The following RAD50 variants were observed in gnomAD, a reference collection of about 807,000 sequenced individuals.
The protein encoded by RAD50 is DNA repair protein RAD50.
Under a neutral mutation model 168.8 loss-of-function variants are expected in RAD50, and 132 were observed. That is an observed-to-expected ratio of 0.78 (90% CI 0.68 to 0.90). The LOEUF is 0.90. Among genes scored for constraint, RAD50 ranks in the 40% least tolerant of loss-of-function variants. The pLI is 0.00. For missense variants in RAD50, 1,347 were observed against 1,534.4 expected, an observed-to-expected ratio of 0.88 and a Z score of 2.04; for synonymous variants, 525 against 497.4, an observed-to-expected ratio of 1.06 and a Z score of -0.74.
chr5:132,605,445 A>G (rs1750968246), intron 16 of RAD50, among the ~76,000 whole-genome samples: 1 of 152,034 alleles, frequency 6.6e-6, no homozygotes, highest in East Asian at 1.9e-4. Flanking sequence ...CCTGAGCTCA[A>G]GCAATCCTCC....
intron 21 of RAD50, among the ~76,000 whole-genome samples, chr5:132,627,997 A>G (rs564231845): frequency 4.6e-5 from 7 of 152,216 alleles, no homozygotes; most frequent in Non-Finnish European, 1.0e-4. Flanking sequence ...AAAATAACCA[A>G]AGGTTGCTCC....
intron 13 of RAD50, among the ~76,000 whole-genome samples, chr5:132,602,647 G>C (rs772675694): frequency 1.6e-4 from 24 of 152,002 alleles, no homozygotes; most frequent in Non-Finnish European, 3.1e-4. Flanking sequence ...CCCTCATCCA[G>C]CTCCTCCTGA....
intron 19 of RAD50, 82 bp from the exon 20 acceptor site, chr5:132,615,921 C>T: frequency 7.8e-7 from 1 of 1,276,040 alleles, no homozygotes; most frequent in Admixed American, 1.8e-5. Context: ...AGAAATGGCA[C>T]TTGCTGTCAC....
intron 12 of RAD50, 111 bp downstream of exon 12, chr5:132,595,155 T>A (rs1750767826): frequency 8.4e-7 from 1 of 1,196,712 alleles, no homozygotes; most frequent in Admixed American, 2.0e-5. Flanking sequence ...GCCTAATGGC[T>A]TGGATTTCAG....
At chr5:132,601,790 T>G (rs1273892645) in intron 13 of RAD50, among the ~76,000 whole-genome samples, 1 of 152,174 alleles carries the variant, frequency 6.6e-6, no homozygotes, top group Non-Finnish European at 1.5e-5. Flanking sequence ...GGAGTAACTA[T>G]GCAGCCATAT....
chr5:132,604,976 C>A lies in RAD50; in HGVS notation c.2695C>A (p.Gln899Lys). Residue 899 changes from glutamine (Q) to lysine (K), a missense_variant, in exon 16 of 25, where the codon CAG becomes AAG. Physicochemically the swap from Gln to Lys is moderately conservative, Grantham distance 53. This residue lies in a region of RAD50 where 635 missense variants were observed against 739.2 expected (regional missense o/e 0.86). Coordinates refer to ENST00000378823, the MANE Select transcript of RAD50 (RefSeq NM_005732.4). ...EQTVELSTEV[Q>K]SLYREIKDAK... ...GACTGTGGAATTATCCACTGAAGTT[C>A]AGTCTTTGTACAGAGAGATAAAGGT... The A allele has an allele frequency of 6.2e-7, 1 of 1,612,858 alleles. No individual in the cohort carries two copies. The highest frequency in any genetic ancestry group is 1.1e-5 in the South Asian group (1 of 91,030).
In RAD50 at chr5:132,588,767, C is replaced by A. The variant is rs786202509; in HGVS notation, c.1132C>A (p.Leu378Ile). The change falls in exon 8 of 25, where the codon CTA (leucine) becomes ATA (isoleucine). Residue 378 changes from leucine (L) to isoleucine (I), a missense_variant. By Grantham distance (5) the Leu-to-Ile change is conservative (BLOSUM62 2). Around this residue, in one of 3 missense-constraint regions of RAD50, gnomAD observed 703 missense variants for 767.7 expected, o/e 0.92. Coordinates refer to ENST00000378823, the MANE Select transcript of RAD50 (RefSeq NM_005732.4). ...DSLIQSLATQ[L>I]ELDGFERGPF... Reference sequence around the variant, plus strand: ...ATTAATTCAGTCTTTGGCAACACAGCTAGAATTGGATGGCTTTGAGCGTGG... The same window carrying A: ...ATTAATTCAGTCTTTGGCAACACAGATAGAATTGGATGGCTTTGAGCGTGG... The A allele has an allele frequency of 1.2e-6, 2 of 1,613,764 alleles. No individual in the cohort carries two copies. Among genetic ancestry groups the A allele is most frequent in the Non-Finnish European group, 1.7e-6 (2 of 1,179,802 alleles).
chr5:132,578,486 G>A (rs1345811835), intron 3 of RAD50, among the ~76,000 whole-genome samples: 6 of 147,270 alleles, frequency 4.1e-5, no homozygotes, highest in African/African-American at 1.0e-4. Context: ...CCTCTGCAAA[G>A]CATTCTTAAT....
chr5:132,571,510 G>C (rs1314797954), intron 2 of RAD50, among the ~76,000 whole-genome samples: 1 of 152,130 alleles, frequency 6.6e-6, no homozygotes, highest in Admixed American at 6.5e-5. Context: ...CCTTTATCAA[G>C]AGATTGAAGT....
At chr5:132,579,637 C>T in intron 4 of RAD50, 135 bp downstream of exon 4, 1 of 911,618 alleles carries the variant, frequency 1.1e-6, no homozygotes, top group East Asian at 2.6e-5. Flanking sequence ...CAGCAGCAAC[C>T]ATTGGGCATA....
rs775817446 is a variant in RAD50, at chr5:132,575,785, A to G, written c.222A>G (p.Gln74=). ...NTFVHDPKVA[Q]ETDVRAQIRL... ...TGTGTTTTCCTTCAAAGGTTGCTCA[A>G]GAAACAGATGTGAGAGCCCAGATTC... Residue 74 remains glutamine (Q), a synonymous_variant, in exon 3 of 25, where the codon CAA becomes CAG. Transcript: ENST00000378823. The G allele has an allele frequency of 3.8e-6, 6 of 1,594,848 alleles. No individual in the cohort carries two copies. The highest frequency in any genetic ancestry group is 1.7e-4 in the Middle Eastern group (1 of 6,054).
At chr5:132,593,711 T>G (rs1351552679) in intron 11 of RAD50, among the ~76,000 whole-genome samples, 1 of 152,186 alleles carries the variant, frequency 6.6e-6, no homozygotes, top group Non-Finnish European at 1.5e-5. Context: ...TATTGGAGTT[T>G]GAAATTCAGG....
chr5:132,594,777 G>T (rs929731219), intron 11 of RAD50, 92 bp from the exon 12 acceptor site: 11 of 1,292,334 alleles, frequency 8.5e-6, no homozygotes, highest in Non-Finnish European at 1.1e-5. Context: ...GTCATGATTT[G>T]TTGGCAGAAT....
At chr5:132,611,845 G>A (rs906136624) in intron 19 of RAD50, among the ~76,000 whole-genome samples, 2 of 151,530 alleles carry the variant, frequency 1.3e-5, no homozygotes, top group Admixed American at 6.6e-5. Context: ...GTCTTCAACA[G>A]ACTTCGCAGG....
intron 19 of RAD50, among the ~76,000 whole-genome samples, chr5:132,611,692 C>A (rs1317009187): frequency 4.3e-5 from 6 of 139,660 alleles, no homozygotes; most frequent in Non-Finnish European, 6.0e-5. Context: ...GGTGACAGAG[C>A]CAGACTCCGT....
At chr5:132,634,838 T>C (rs73787026) in intron 21 of RAD50, among the ~76,000 whole-genome samples, 5,291 of 152,306 alleles carry the variant, frequency 0.035, 303 homozygotes, top group African/African-American at 0.12. Flanking sequence ...TCTGCTACTA[T>C]ATTAGTTGAA....
chr5:132,608,545 C>A, intron 16 of RAD50, 70 bp from the exon 17 acceptor site: 1 of 1,334,370 alleles, frequency 7.5e-7, no homozygotes, highest in Non-Finnish European at 1.0e-6. Flanking sequence ...TTTATTAAGA[C>A]TGTGAAGTCT....
chr5:132,592,504 A>G (rs1334658309), intron 11 of RAD50, among the ~76,000 whole-genome samples: 2 of 152,314 alleles, frequency 1.3e-5, no homozygotes, highest in South Asian at 2.1e-4. Flanking sequence ...GAGCAGGAAC[A>G]TTGTTGTGGT....
chr5:132,562,693 C>G (rs1750142273), intron 2 of RAD50, among the ~76,000 whole-genome samples: 1 of 151,882 alleles, frequency 6.6e-6, no homozygotes, highest in Non-Finnish European at 1.5e-5. Flanking sequence ...GAGATTAGGA[C>G]TGGAGAAAGA....
Sources: gnomAD v4.1 joint callset for allele counts (sites outside exome capture counted in the v4.1 genomes callset) on GRCh38, gnomAD v4.1.1 for gene constraint, gnomAD v4.1.1 regional missense constraint, MANE v1.5 for transcripts, NCBI Gene and HGNC (gene_info 2026-07-23, HGNC 2026-07-21) for gene names.